CPN1: variants seen among roughly 807,000 people sequenced by gnomAD.
CPN1 encodes the protein carboxypeptidase N catalytic chain.
A neutral mutation model predicts 46.4 loss-of-function variants in CPN1; 37 were observed. That is an observed-to-expected ratio of 0.80 (90% confidence interval 0.61 to 1.05). CPN1 has a LOEUF of 1.05. Ranked by LOEUF, CPN1 falls within the 50% of genes least tolerant of loss-of-function variation. CPN1 has a pLI of 0.00. For synonymous variants in CPN1, 224 were observed against 235.4 expected, an observed-to-expected ratio of 0.95 and a Z score of 0.44; for missense variants, 563 against 602.6, an observed-to-expected ratio of 0.93 and a Z score of 0.69.
chr10:100,044,863 A>AC (rs1244084115), intron 8 of CPN1, among the ~76,000 whole-genome samples: 1 of 151,774 alleles, frequency 6.6e-6, no homozygotes, highest in Non-Finnish European at 1.5e-5. Context: ...GGCATGAGCT[A>AC]CCACACTTGG....
rs1589467760 is a variant in CPN1 at position 100,042,384 on chromosome 10, C to G, written c.*43G>C. 1 of 1,611,162 alleles carries G rather than the reference C, an allele frequency of 6.2e-7. No individual in the cohort carries two copies. The highest frequency in any genetic ancestry group is 1.3e-5 in the African/African-American group (1 of 74,950). ...AAGAATGCTTGATCTGATCTGAGAG[C>G]AGGAGCAAAGCCTTTCTGAAGGGTT... On this transcript the variant is annotated 3_prime_UTR_variant, in exon 9 of 9. Transcript: ENST00000370418.
intron 3 of CPN1, 134 bp downstream of exon 3, chr10:100,069,580 A>G: frequency 9.8e-7 from 1 of 1,022,846 alleles, no homozygotes; most frequent in Admixed American, 1.7e-5. Context: ...TTATTGCTCT[A>G]GATGGGTTAA....
intron 2 of CPN1, 34 bp downstream of exon 2, chr10:100,075,877 G>T (rs2041510244): frequency 6.2e-7 from 1 of 1,608,782 alleles, no homozygotes; most frequent in East Asian, 2.2e-5. Flanking sequence ...AGAAGGCCTT[G>T]ATCTCTCCCC....
chr10:100,057,751 T>C (rs985646411), intron 5 of CPN1, among the ~76,000 whole-genome samples: 2 of 152,130 alleles, frequency 1.3e-5, no homozygotes, highest in Non-Finnish European at 2.9e-5. Flanking sequence ...GTTTAGTATT[T>C]TTAGTTGGGT....
chr10:100,045,912 G>A (rs183596468), intron 8 of CPN1, among the ~76,000 whole-genome samples: 5 of 152,146 alleles, frequency 3.3e-5, no homozygotes, highest in South Asian at 2.1e-4. Flanking sequence ...CCTAGGAAAG[G>A]CTGACTTTTA....
chr10:100,062,744 C>T (rs60859884), intron 5 of CPN1, among the ~76,000 whole-genome samples: 1 of 150,544 alleles, frequency 6.6e-6, no homozygotes, highest in Non-Finnish European at 1.5e-5. Flanking sequence ...CAGGTGTGCA[C>T]CACCATGCCC....
rs1455596978 is a variant in CPN1, at chr10:100,054,446, C to A, written c.1012G>T (p.Val338Phe). Residue 338 changes from valine (V) to phenylalanine (F), a missense_variant and splice_region_variant, in exon 7 of 9, where the codon GTT (valine) becomes TTT (phenylalanine). By Grantham distance (50) the Val-to-Phe change is conservative (BLOSUM62 -1). Coordinates refer to ENST00000370418, the MANE Select transcript of CPN1 (RefSeq NM_001308.3). ...ACCATTCCCTTGATGCCCTGGTGAACCTGCAGGAACAAGTATATAGTTATG... is the reference window on the plus strand; with the variant it reads ...ACCATTCCCTTGATGCCCTGGTGAAACTGCAGGAACAAGTATATAGTTATG... The part of the protein sequence containing the change: ...REALIQFLEQ[V>F]HQGIKGMVLD... 6.2e-7 allele frequency: 1 copy of A among 1,610,912 alleles called. No individual in the cohort carries two copies. Among genetic ancestry groups the A allele is most frequent in the South Asian group, 1.1e-5 (1 of 91,052 alleles).
chr10:100,049,397 G>C (rs2041337172), intron 7 of CPN1, among the ~76,000 whole-genome samples: 1 of 151,296 alleles, frequency 6.6e-6, no homozygotes, highest in Admixed American at 6.6e-5. Context: ...CAAGTAGCTG[G>C]GATTAGAGGC....
At chr10:100,071,631 C>A (rs1564775886) in intron 2 of CPN1, among the ~76,000 whole-genome samples, 1 of 152,204 alleles carries the variant, frequency 6.6e-6, no homozygotes, top group African/African-American at 2.4e-5. Context: ...TGTGTGGATT[C>A]AACCAACCTC....
At position 100,081,571 on chromosome 10, in the gene CPN1, C is replaced by T. The variant is rs746251575; in HGVS notation, c.55G>A (p.Ala19Thr). The change falls in exon 1 of 9, where the codon GCC becomes ACC. Residue 19 changes from alanine (A) to threonine (T), a missense_variant. Ala to Thr is a moderately conservative substitution (Grantham distance 58). Coordinates refer to ENST00000370418, the MANE Select transcript of CPN1 (RefSeq NM_001308.3). ...LHLLLLFKLVAPVTFRHHRYD... is the reference protein window; with the variant it reads ...LHLLLLFKLVTPVTFRHHRYD... ...CGGTGGTGGCGAAAGGTCACCGGGG[C>T]AACCAACTTGAAGAGAAGGAGGAGG... is the stretch of plus-strand genomic sequence containing the variant. 1 of 1,614,184 alleles carries T rather than the reference C, an allele frequency of 6.2e-7. No homozygotes were observed. The highest frequency in any genetic ancestry group is 1.1e-5 in the South Asian group (1 of 91,088).
At chr10:100,081,264 G>A (rs1315923000) in intron 1 of CPN1, 139 bp downstream of exon 1, 9 of 770,084 alleles carry the variant, frequency 1.2e-5, no homozygotes, top group South Asian at 9.0e-5. Context: ...GGGCTAAGAG[G>A]GAAATAGCAC....
intron 2 of CPN1, among the ~76,000 whole-genome samples, chr10:100,070,384 G>A (rs2041477306): frequency 6.6e-6 from 1 of 152,078 alleles, no homozygotes; most frequent in African/African-American, 2.4e-5. Flanking sequence ...TTGGGAGGCT[G>A]AGGCACGAGA....
intron 5 of CPN1, 28 bp downstream of exon 5, chr10:100,063,586 C>T: frequency 6.7e-7 from 1 of 1,495,054 alleles, no homozygotes; most frequent in Non-Finnish European, 9.3e-7. Flanking sequence ...TCCACTTCAG[C>T]TTGAGCAGTT....
chr10:100,079,092 C>T (rs916349341), intron 1 of CPN1, among the ~76,000 whole-genome samples: 12 of 152,346 alleles, frequency 7.9e-5, no homozygotes, highest in East Asian at 3.9e-4. Flanking sequence ...TCAGTGGAGA[C>T]GCCTCTCCTG....
At chr10:100,051,718 G>A (rs560889250) in intron 7 of CPN1, among the ~76,000 whole-genome samples, 12 of 151,734 alleles carry the variant, frequency 7.9e-5, no homozygotes, top group Non-Finnish European at 1.8e-4. Context: ...TAGTAGAGAC[G>A]GGGTTTTACC....
chr10:100,069,788 T>C lies in CPN1; in HGVS notation c.502A>G (p.Thr168Ala), dbSNP rs1337308903. The change falls in exon 3 of 9, where the codon ACC (threonine) becomes GCC (alanine). Residue 168 changes from threonine to alanine, a missense_variant. Thr to Ala is a moderately conservative substitution (Grantham distance 58). Transcript: ENST00000370418. ...TACTTCTCGTTATAGTAGATATAGG[T>C]ATTGAGATCAGGGAAGTTGCGGTTC... is the stretch of plus-strand genomic sequence containing the variant. ...DLNRNFPDLN[T>A]YIYYNEKYGG... is the part of the protein sequence containing the mutation. 1.9e-6 allele frequency: 3 copies of C among 1,613,612 alleles called. No homozygotes were observed. The highest frequency in any genetic ancestry group is 2.5e-6 in the Non-Finnish European group (3 of 1,179,984).
In CPN1 at chr10:100,074,577, G is replaced by C. The variant is rs182386943; in HGVS notation, c.420+1334C>G. On this transcript the variant is annotated intron_variant, in intron 2 of 8. Transcript: ENST00000370418. Reference sequence around the variant, plus strand: ...ATTACAGGCATATGCCACCATGCCTGGCTAATTTTTTGTATATTTAGTAGA... The same window carrying C: ...ATTACAGGCATATGCCACCATGCCTCGCTAATTTTTTGTATATTTAGTAGA... Among the ~76,000 whole-genome samples the C allele has an allele frequency of 2.6e-5, 4 of 152,206 alleles. 1 individual carries two copies. Among genetic ancestry groups the C allele is most frequent in the Admixed American group, 2.0e-4 (3 of 15,280 alleles).
At chr10:100,062,552 A>G (rs2041426334) in intron 5 of CPN1, among the ~76,000 whole-genome samples, 1 of 150,588 alleles carries the variant, frequency 6.6e-6, no homozygotes, top group South Asian at 2.1e-4. Flanking sequence ...TATGTGTATT[A>G]TTTTATTTAA....
intron 5 of CPN1, among the ~76,000 whole-genome samples, chr10:100,061,805 A>G (rs1409583067): frequency 3.3e-5 from 5 of 152,162 alleles, no homozygotes; most frequent in African/African-American, 1.2e-4. Flanking sequence ...AACTAAAGAA[A>G]GTAACTTTAA....
Sources: allele counts gnomAD v4.1 joint callset (sites outside exome capture counted in the v4.1 genomes callset), GRCh38; gene constraint gnomAD v4.1.1; transcripts MANE v1.5; gene names NCBI Gene and HGNC (gene_info 2026-07-23, HGNC 2026-07-21).